The following SMG5 variants were observed in gnomAD, a reference collection of about 807,000 sequenced individuals.
SMG5 encodes SMG5 nonsense mediated mRNA decay factor, also known as nonsense-mediated mRNA decay factor SMG5.
Under a neutral mutation model 122.9 loss-of-function variants are expected in SMG5, and 53 were observed. The observed-to-expected ratio is 0.43, with a 90% CI of 0.35 to 0.54. The LOEUF (loss-of-function observed/expected upper bound fraction) is 0.54, where lower values mean the gene tolerates loss of function less well. SMG5 is among the 20% of genes least tolerant of loss of function. The probability of loss-of-function intolerance (pLI) is 0.01; values close to 1 mark genes in which losing one functional copy is unlikely to be tolerated. For missense variants in SMG5, 1,153 were observed against 1,285.6 expected (o/e 0.90, Z 1.58); for synonymous variants, 477 against 490.2 (o/e 0.97, Z 0.35).
In SMG5 at chr1:156,266,219, C is replaced by T; in HGVS notation, c.1417G>A (p.Asp473Asn). 3 of 1,614,244 alleles carry T rather than the reference C, an allele frequency of 1.9e-6. No homozygotes were observed. The highest frequency in any genetic ancestry group is 2.5e-6 in the Non-Finnish European group (3 of 1,180,052). Residue 473 changes from aspartate (D) to asparagine (N), a missense_variant, in exon 12 of 22, where the codon GAC becomes AAC. By Grantham distance (23) the Asp-to-Asn change is conservative. Transcript: ENST00000361813. ...TCCGATTCAAAGCCTTCACTCAGGT[C>T]ACTGTCATCACCAACTTTGGGTGGG... ...RHPPKVGDDS[D>N]LSEGFESDSS...
rs1304096817 is a variant in SMG5 at position 156,266,682 on chromosome 1, A to G, written c.1118-4T>C. The G allele has an allele frequency of 6.2e-7, 1 of 1,614,102 alleles. No homozygotes were observed. The highest frequency in any genetic ancestry group is 8.5e-7 in the Non-Finnish European group (1 of 1,179,998). ...GCTGCACTGTACTGCTTGGATCCTGAAGTCAGGAAAGCCAGGCATTAGGGG... is the reference window on the plus strand; with the variant it reads ...GCTGCACTGTACTGCTTGGATCCTGGAGTCAGGAAAGCCAGGCATTAGGGG... On this transcript the variant is annotated splice_polypyrimidine_tract_variant and splice_region_variant and intron_variant, in intron 10 of 21. Transcript: ENST00000361813.
At chr1:156,257,147 G>C (rs977221933) in intron 16 of SMG5, among the ~76,000 whole-genome samples, 1 of 151,936 alleles carries the variant, frequency 6.6e-6, no homozygotes, top group African/African-American at 2.4e-5. Flanking sequence ...GGCTGGTCTC[G>C]AACTCCTGAC....
rs772146655 is a variant in SMG5, at chr1:156,260,593, A to G, written c.2141T>C (p.Leu714Pro). ...GAGGTCAGGCAGTTCACAACCTTCA[A>G]GAAGATCTTGGACCTCAGGACACAA... The part of the protein sequence containing the change: ...LALCPEVQDL[L>P]EGCELPDLPS... Residue 714 changes from leucine to proline, a missense_variant, in exon 15 of 22, where the codon CTT becomes CCT. Transcript: ENST00000361813. The G allele has an allele frequency of 1.3e-6, 2 of 1,520,734 alleles. No individual in the cohort carries two copies. Among genetic ancestry groups the G allele is most frequent in the East Asian group, 5.0e-5 (2 of 39,752 alleles). The allele number at this position is 1,520,734 out of a possible 1,614,324, so 94.2% of individuals were successfully genotyped here.
At chr1:156,268,438 A>G (rs1662258085) in intron 7 of SMG5, 23 bp from the exon 8 acceptor site, 2 of 1,611,058 alleles carry the variant, frequency 1.2e-6, no homozygotes, top group Admixed American at 1.7e-5. Flanking sequence ...GAGGTGAGCT[A>G]CTGAGTCTTG....
At chr1:156,277,803 T>TGC in intron 3 of SMG5, 122 bp downstream of exon 3, 1 of 1,322,188 alleles carries the variant, frequency 7.6e-7, no homozygotes, top group South Asian at 1.3e-5. Flanking sequence ...TGAGCCACCG[T>TGC]GCCCAGCCTC....
chr1:156,284,434 C>T (rs564618975), upstream of SMG5: 1 of 152,334 alleles, frequency 6.6e-6, no homozygotes, highest in Admixed American at 6.5e-5. Flanking sequence ...GTCCAAACTG[C>T]AAGGTTTGGA....
At chr1:156,272,570 G>C (rs1361605112) in intron 6 of SMG5, among the ~76,000 whole-genome samples, 172 bp from the exon 7 acceptor site, 1 of 151,730 alleles carries the variant, frequency 6.6e-6, no homozygotes, top group East Asian at 1.9e-4. Context: ...GAGGATTACT[G>C]ACCTCTTCTT....
At chr1:156,269,572 T>C (rs965178820) in intron 7 of SMG5, among the ~76,000 whole-genome samples, 1 of 151,438 alleles carries the variant, frequency 6.6e-6, no homozygotes, top group Non-Finnish European at 1.5e-5. Context: ...CTGTCTCTAC[T>C]AAAAATACAA....
At chr1:156,255,268 C>T (rs1323495722) in intron 16 of SMG5, among the ~76,000 whole-genome samples, 2 of 151,852 alleles carry the variant, frequency 1.3e-5, no homozygotes, top group Non-Finnish European at 2.9e-5. Flanking sequence ...GGGCCAGACA[C>T]AGTGGCTCAT....
At chr1:156,272,450 C>T in intron 6 of SMG5, 52 bp from the exon 7 acceptor site, 1 of 1,468,206 alleles carries the variant, frequency 6.8e-7, no homozygotes, top group South Asian at 1.2e-5. Flanking sequence ...TCATTCAAAG[C>T]TGCCAGGCCC....
upstream of SMG5, chr1:156,286,363 G>T (rs375726959): frequency 6.2e-7 from 1 of 1,614,154 alleles, no homozygotes; most frequent in South Asian, 1.1e-5. Context: ...TGGCCCAGTC[G>T]GTCCAGCTCT....
At chr1:156,275,132 A>G in intron 4 of SMG5, among the ~76,000 whole-genome samples, 1 of 43,752 alleles carries the variant, frequency 2.3e-5, no homozygotes, top group South Asian at 9.8e-4. Context: ...GACGCCAATT[A>G]AAAAAAAAAA....
rs1333649073 is a variant in SMG5 at position 156,259,092 on chromosome 1, C to A, written c.2355G>T (p.Gln785His). Reference protein sequence around the residue: ...FIARLQGSILQFNPEVGIFVS... With the variant: ...FIARLQGSILHFNPEVGIFVS... ...CGAAGATGCCAACCTCTGGGTTGAA[C>A]TGCAGGATGCTGCCTTGCAGGCGGG... The change falls in exon 16 of 22, where the codon CAG becomes CAT. Residue 785 changes from glutamine (Q) to histidine (H), a missense_variant. By Grantham distance (24) the Gln-to-His change is conservative. Around this residue, in one of 5 missense-constraint regions of SMG5, gnomAD observed 140 missense variants for 227.8 expected, o/e 0.61. Transcript: ENST00000361813. 1 of 1,611,730 alleles carries A rather than the reference C, an allele frequency of 6.2e-7. No homozygotes were observed. Among genetic ancestry groups the A allele is most frequent in the Non-Finnish European group, 8.5e-7 (1 of 1,179,052 alleles).
upstream of SMG5, chr1:156,285,091 A>G (rs1031205924): frequency 4.1e-5 from 46 of 1,122,832 alleles, no homozygotes; most frequent in Non-Finnish European, 5.3e-5. Flanking sequence ...AAACCCATGA[A>G]GCCAGTTGCC....
chr1:156,250,809 G>A, intron 21 of SMG5, 49 bp downstream of exon 21: 1 of 1,610,052 alleles, frequency 6.2e-7, no homozygotes, highest in Non-Finnish European at 8.5e-7. Flanking sequence ...GTCTGCTCTG[G>A]TACCTCGTCC....
chr1:156,262,116 T>G (rs990283851), intron 13 of SMG5, among the ~76,000 whole-genome samples: 1 of 152,030 alleles, frequency 6.6e-6, no homozygotes, highest in Admixed American at 6.6e-5. Flanking sequence ...TCTCAGCACT[T>G]TGGGAGGCTG....
chr1:156,260,495 A>AGCGTCTGTGGGCAGCTCC lies in SMG5; in HGVS notation c.2238_2239insGGAGCTGCCCACAGACGC (p.Arg746_Phe747insGlyAlaAlaHisArgArg). 10 of 1,592,596 alleles carry AGCGTCTGTGGGCAGCTCC rather than the reference A, an allele frequency of 6.3e-6. No individual in the cohort carries two copies. The South Asian group carries it at 1.1e-4, about 18-fold the overall frequency. On this transcript the variant is annotated inframe_insertion, in exon 15 of 22. Coordinates refer to ENST00000361813, the MANE Select transcript of SMG5 (RefSeq NM_015327.3). ...AGGGGCCGATCCGTGTCAAAGTTAA[A>AGCGTCTGTGGGCAGCTCC]GCGTCTGTGGGCAGCTCGGAGCGGG...
rs1412653606 is a variant in SMG5 at position 156,271,192 on chromosome 1, A to G, written c.713+1128T>C. Among the ~76,000 whole-genome samples the G allele has an allele frequency of 2.0e-5, 3 of 152,186 alleles. 1 individual carries two copies. Among genetic ancestry groups the G allele is most frequent in the African/African-American group, 7.2e-5 (3 of 41,434 alleles). ...CTAGGTTACCTTGGCCAGGTGAACC[A>G]AAAGTCATGGCACATGGAATTATGA... On this transcript the variant is annotated intron_variant, in intron 7 of 21. Coordinates refer to ENST00000361813, the MANE Select transcript of SMG5 (RefSeq NM_015327.3).
chr1:156,273,524 C>A, intron 5 of SMG5, 74 bp from the exon 6 acceptor site: 1 of 1,398,520 alleles, frequency 7.2e-7, no homozygotes, highest in South Asian at 1.2e-5. Context: ...ATCTGGGAGT[C>A]CACTCTGAGA....
Sources: allele counts gnomAD v4.1 joint callset (sites outside exome capture counted in the v4.1 genomes callset), GRCh38; gene constraint gnomAD v4.1.1; regional missense constraint gnomAD v4.1.1; transcripts MANE v1.5; gene names NCBI Gene and HGNC (gene_info 2026-07-23, HGNC 2026-07-21).